Variants in GRIP2 observed in about 807,000 individuals in gnomAD.
GRIP2 encodes glutamate receptor-interacting protein 2.
A neutral mutation model predicts 108.3 loss-of-function variants in GRIP2; 58 were observed. That is an observed-to-expected ratio of 0.54 (90% CI 0.43 to 0.67). GRIP2 has a LOEUF of 0.67. Ranked by LOEUF, GRIP2 falls within the 30% of genes least tolerant of loss-of-function variation. The pLI, the probability that GRIP2 is intolerant of heterozygous loss-of-function variation, is 0.00. For missense variants in GRIP2, 1,278 were observed against 1,430.6 expected, an observed-to-expected ratio of 0.89 and a Z score of 1.72; for synonymous variants, 586 against 598.2, an observed-to-expected ratio of 0.98 and a Z score of 0.30.
intron 21 of GRIP2, among the ~76,000 whole-genome samples, chr3:14,502,810 T>C (rs903554779): frequency 6.6e-6 from 1 of 151,458 alleles, no homozygotes; most frequent in African/African-American, 2.4e-5. Flanking sequence ...AACAAATGAA[T>C]AAAATAGAAA....
rs777452619 is a variant in GRIP2, at chr3:14,492,770, G to A, written c.*895C>T. 6.6e-6 allele frequency: 1 copy of A among 152,252 alleles called. No individual in the cohort carries two copies. Among genetic ancestry groups the A allele is most frequent in the Non-Finnish European group, 1.5e-5 (1 of 68,084 alleles). 9.4% of individuals were successfully genotyped at this position (152,252 alleles called of 1,614,324 possible). A position where few individuals can be genotyped will look rare whatever the true frequency, so the allele number is the denominator to read the frequency against. On this transcript the variant is annotated 3_prime_UTR_variant, in exon 24 of 24. Coordinates refer to ENST00000621039, the MANE Select transcript of GRIP2 (RefSeq NM_001080423.4). ...AAAATGACCCCTCCCACATGGAGGG[G>A]CTTGGGCTGAGCGGACGTGCAGATG...
At chr3:14,552,452 T>G (rs1393927698) in intron 1 of GRIP2, among the ~76,000 whole-genome samples, 1 of 152,132 alleles carries the variant, frequency 6.6e-6, no homozygotes. Context: ...TCAATAAATA[T>G]TTGTTGAATG....
chr3:14,556,732 G>A (rs550353629), upstream of GRIP2, among the ~76,000 whole-genome samples: 25 of 152,322 alleles, frequency 1.6e-4, no homozygotes, highest in African/African-American at 5.3e-4. Context: ...CTCAGAAAAC[G>A]CATCCAGCAT....
At chr3:14,571,956 G>T in the GRIP2 span, among the ~76,000 whole-genome samples, 1 of 152,192 alleles carries the variant, frequency 6.6e-6, no homozygotes, top group African/African-American at 2.4e-5. Context: ...GCTGCTGGTG[G>T]TGATGTAAAG....
the GRIP2 span, among the ~76,000 whole-genome samples, chr3:14,594,901 GTTA>G: frequency 9.4e-3 from 1,428 of 151,920 alleles, 21 homozygotes; most frequent in African/African-American, 0.032. Flanking sequence ...ATGGTTAGCT[GTTA>G]TTATTATTAT....
chr3:14,554,831 G>C (rs549678291), intron 1 of GRIP2, among the ~76,000 whole-genome samples: 1 of 152,180 alleles, frequency 6.6e-6, no homozygotes, highest in East Asian at 1.9e-4. Flanking sequence ...ATCAGAATGA[G>C]GATGGGACCA....
chr3:14,505,832 C>G lies in GRIP2; in HGVS notation c.2399-43G>C. The G allele has an allele frequency of 1.4e-6, 2 of 1,462,564 alleles. No individual in the cohort carries two copies. Among genetic ancestry groups the G allele is most frequent in the East Asian group, 5.0e-5 (2 of 39,840 alleles). 90.6% of individuals were successfully genotyped at this position (1,462,564 alleles called of 1,614,324 possible). ...GCCTCTGTGTTCCCTGCGGCCTCAC[C>G]TTGCCCTCCTGCCTGCCCCATTTCC... is the stretch of plus-strand genomic sequence containing the variant. On this transcript the variant is annotated intron_variant, in intron 19 of 23. Transcript: ENST00000621039. The surrounding 1 kb of genome is among the most constrained non-coding windows in gnomAD (Gnocchi z 4.2).
chr3:14,567,617 C>T, the GRIP2 span, among the ~76,000 whole-genome samples: 1 of 152,168 alleles, frequency 6.6e-6, no homozygotes, highest in Non-Finnish European at 1.5e-5. Context: ...TTTCATGAGG[C>T]CCTGGCAGTG....
At chr3:14,519,773 G>A (rs1438592529) in intron 9 of GRIP2, among the ~76,000 whole-genome samples, 1 of 152,204 alleles carries the variant, frequency 6.6e-6, no homozygotes, top group Non-Finnish European at 1.5e-5. Flanking sequence ...GAGAGTCACT[G>A]AGAAGAGCCC....
the GRIP2 span, among the ~76,000 whole-genome samples, chr3:14,568,082 C>T: frequency 6.6e-6 from 1 of 152,110 alleles, no homozygotes; most frequent in East Asian, 1.9e-4. Flanking sequence ...TCAGTGGGGT[C>T]CCAGGGGCAG....
At chr3:14,600,600 C>T in the GRIP2 span, among the ~76,000 whole-genome samples, 1 of 152,254 alleles carries the variant, frequency 6.6e-6, no homozygotes, top group East Asian at 1.9e-4. Context: ...AGGTGGATGG[C>T]CCTGTCCCTG....
chr3:14,561,880 A>G, the GRIP2 span, among the ~76,000 whole-genome samples: 9 of 152,158 alleles, frequency 5.9e-5, no homozygotes, highest in Non-Finnish European at 1.5e-5. Context: ...GAGGGAGAGG[A>G]TGCAGGCAGA....
the GRIP2 span, among the ~76,000 whole-genome samples, chr3:14,578,883 T>A: frequency 6.6e-6 from 1 of 151,642 alleles, no homozygotes; most frequent in Non-Finnish European, 1.5e-5. Flanking sequence ...GCCCTCAATT[T>A]CCTCTCCAAT....
rs1265324021 is a variant in GRIP2 at position 14,502,059 on chromosome 3, T to C, written c.2679+1507A>G. Among the ~76,000 whole-genome samples the C allele has an allele frequency of 3.3e-5, 5 of 152,192 alleles. No individual in the cohort carries two copies. The East Asian group carries it at 9.6e-4, about 29-fold the overall frequency. ...GTTTAATTATATATTTTTTCAGGTG[T>C]ACCTCTGATTGAAAAGTTTAATTAT... On this transcript the variant is annotated intron_variant, in intron 21 of 23. Coordinates refer to ENST00000621039, the MANE Select transcript of GRIP2 (RefSeq NM_001080423.4).
At chr3:14,518,122 A>G (rs1483034878) in intron 9 of GRIP2, among the ~76,000 whole-genome samples, 1 of 152,178 alleles carries the variant, frequency 6.6e-6, no homozygotes, top group Non-Finnish European at 1.5e-5. Flanking sequence ...AGGAGAGAGA[A>G]AGGAAGCCAG....
At chr3:14,588,186 C>T in the GRIP2 span, among the ~76,000 whole-genome samples, 3 of 152,182 alleles carry the variant, frequency 2.0e-5, no homozygotes, top group Non-Finnish European at 2.9e-5. Flanking sequence ...AGGTCTTAGT[C>T]ACTGCTCTGG....
At chr3:14,574,027 T>G in the GRIP2 span, 1 of 1,474,860 alleles carries the variant, frequency 6.8e-7, no homozygotes. Flanking sequence ...GCCTCCGAGC[T>G]GGGCCCGATC....
At chr3:14,591,297 T>C in the GRIP2 span, among the ~76,000 whole-genome samples, 1,146 of 152,222 alleles carry the variant, frequency 7.5e-3, 7 homozygotes, top group Middle Eastern at 0.02. Context: ...GTATTAATAT[T>C]CCCTGTATGA....
chr3:14,572,822 G>T, the GRIP2 span: 1 of 912,648 alleles, frequency 1.1e-6, no homozygotes, highest in Non-Finnish European at 1.7e-6. Context: ...CTGCTGGAGC[G>T]CATGGTCCCT....
Sources: allele counts gnomAD v4.1 joint callset (sites outside exome capture counted in the v4.1 genomes callset), GRCh38; gene constraint gnomAD v4.1.1; non-coding constraint Gnocchi (gnomAD v3.1); transcripts MANE v1.5; gene names NCBI Gene and HGNC (gene_info 2026-07-23, HGNC 2026-07-21).